PCDHA1: variants seen among roughly 807,000 people sequenced by gnomAD.
PCDHA1 encodes protocadherin alpha 1, also known as protocadherin alpha-1.
A neutral mutation model predicts 61.3 loss-of-function variants in PCDHA1; 42 were observed. The observed-to-expected ratio is 0.69, with a 90% CI of 0.54 to 0.89. The LOEUF is 0.89. Ranked by LOEUF, PCDHA1 falls within the 40% of genes least tolerant of loss-of-function variation. The probability of loss-of-function intolerance (pLI) is 0.00; values close to 1 mark genes in which losing one functional copy is unlikely to be tolerated. For missense variants in PCDHA1, 1,256 were observed against 1,235.3 expected, an observed-to-expected ratio of 1.02 and a Z score of -0.25; for synonymous variants, 610 against 553.8, an observed-to-expected ratio of 1.10 and a Z score of -1.43.
At chr5:140,921,998 A>G (rs1247902071) in intron 1 of PCDHA1, among the ~76,000 whole-genome samples, 3 of 152,206 alleles carry the variant, frequency 2.0e-5, no homozygotes, top group African/African-American at 7.2e-5. Flanking sequence ...AGTTCAATGA[A>G]ATGATTAGTT....
At chr5:140,846,476 A>G (rs2150391448) in intron 1 of PCDHA1, among the ~76,000 whole-genome samples, 10 of 143,712 alleles carry the variant, frequency 7.0e-5, no homozygotes, top group Admixed American at 2.1e-4. Context: ...CCGGGTTCAA[A>G]TGATTCTCCT....
intron 3 of PCDHA1, among the ~76,000 whole-genome samples, chr5:140,988,517 T>C (rs184897922): frequency 3.0e-3 from 461 of 152,278 alleles, no homozygotes; most frequent in Middle Eastern, 0.014. Context: ...CTTACTTAAG[T>C]CTCTGCTGGC....
Position 140,929,116 on chromosome 5 carries a change from A to G in PCDHA1, c.2395-49833A>G, listed in dbSNP as rs535394812. The G allele has an allele frequency of 2.9e-5, 47 of 1,614,170 alleles. No homozygotes were observed. The East Asian group carries it at 8.9e-4, about 31-fold the overall frequency. Reference sequence around the variant, plus strand: ...AAATCCTTGCATGACATCAGCCACCATAGATGTCACTACAGTTGAGAGACT... The same window carrying G: ...AAATCCTTGCATGACATCAGCCACCGTAGATGTCACTACAGTTGAGAGACT... On this transcript the variant is annotated intron_variant, in intron 1 of 3. Coordinates refer to ENST00000504120, the MANE Select transcript of PCDHA1 (RefSeq NM_018900.4).
At chr5:140,842,563 C>T in intron 1 of PCDHA1, 2 of 1,499,332 alleles carry the variant, frequency 1.3e-6, no homozygotes, top group South Asian at 1.2e-5. Flanking sequence ...GCGCCCTGGA[C>T]CGCGAGAGAG....
At chr5:140,858,280 G>A (rs782403060) in intron 1 of PCDHA1, 11 of 1,597,460 alleles carry the variant, frequency 6.9e-6, no homozygotes, top group Non-Finnish European at 5.1e-6. Flanking sequence ...GCGCGGTGGG[G>A]AGCTGGTCTT....
intron 1 of PCDHA1, chr5:140,803,339 A>G (rs1763174931): frequency 1.9e-6 from 3 of 1,614,026 alleles, no homozygotes; most frequent in Non-Finnish European, 2.5e-6. Flanking sequence ...TGGTGCTCAC[A>G]CTGCTGCTAT....
rs184537292 is a variant in PCDHA1, at chr5:140,970,210, C to T, written c.2395-8739C>T. Among the ~76,000 whole-genome samples, 8 of 152,308 alleles carry T rather than the reference C, an allele frequency of 5.3e-5. No homozygotes were observed. The East Asian group carries it at 1.5e-3, about 29-fold the overall frequency. On this transcript the variant is annotated intron_variant, in intron 1 of 3. Transcript: ENST00000504120. Reference sequence around the variant, plus strand: ...TGTAAGAGGATTTCCCTGAATTTAGCTTAAATGCAGCCTGTAATCTTCTGA... The same window carrying T: ...TGTAAGAGGATTTCCCTGAATTTAGTTTAAATGCAGCCTGTAATCTTCTGA...
intron 1 of PCDHA1, chr5:140,807,989 G>A: frequency 6.2e-7 from 1 of 1,613,702 alleles, no homozygotes; most frequent in Non-Finnish European, 8.5e-7. Context: ...TAACGCCTCA[G>A]ATTTAGACGA....
chr5:140,822,416 C>G (rs1767302575), intron 1 of PCDHA1: 1 of 1,614,024 alleles, frequency 6.2e-7, no homozygotes. Context: ...GTGATTGCAA[C>G]TGATGGAGGA....
intron 1 of PCDHA1, among the ~76,000 whole-genome samples, chr5:140,944,948 A>T (rs1425847139): frequency 6.6e-6 from 1 of 152,200 alleles, no homozygotes; most frequent in African/African-American, 2.4e-5. Context: ...ATGATTGTGA[A>T]TAAGAGTATT....
chr5:140,895,881 G>A (rs1004872677), intron 1 of PCDHA1, among the ~76,000 whole-genome samples: 22 of 152,176 alleles, frequency 1.4e-4, no homozygotes, highest in East Asian at 1.9e-4. Flanking sequence ...GCGCGATCTC[G>A]GCTCACTGCA....
At chr5:140,932,113 T>G (rs2088043197) in intron 1 of PCDHA1, among the ~76,000 whole-genome samples, 1 of 151,918 alleles carries the variant, frequency 6.6e-6, no homozygotes, top group South Asian at 2.1e-4. Flanking sequence ...TATTTCCAAT[T>G]GATAATATTT....
At chr5:140,828,600 A>G (rs1769845446) in intron 1 of PCDHA1, 3 of 1,614,242 alleles carry the variant, frequency 1.9e-6, no homozygotes, top group East Asian at 2.2e-5. Context: ...ATCTTAACCT[A>G]TAAACTCAGT....
intron 1 of PCDHA1, among the ~76,000 whole-genome samples, chr5:140,942,544 G>T (rs546340510): frequency 1.6e-4 from 24 of 152,000 alleles, no homozygotes; most frequent in Non-Finnish European, 2.9e-4. Context: ...TATGGTGGGG[G>T]GTAGGGGGTT....
intron 3 of PCDHA1, among the ~76,000 whole-genome samples, chr5:140,994,758 G>A (rs150618369): frequency 1.3e-5 from 2 of 152,248 alleles, no homozygotes; most frequent in East Asian, 3.9e-4. Flanking sequence ...GATGTGGAGA[G>A]GAAGAGAATT....
intron 1 of PCDHA1, chr5:140,830,025 A>G (rs1770760911): frequency 6.2e-7 from 1 of 1,613,706 alleles, no homozygotes. Flanking sequence ...TCTCCGCGCC[A>G]CCGGCTGCTG....
chr5:140,966,188 T>G (rs1454663585), intron 1 of PCDHA1: 7 of 200,348 alleles, frequency 3.5e-5, no homozygotes, highest in Non-Finnish European at 6.9e-5. Context: ...ATAGCCAGAC[T>G]TCTAGGGGCT....
chr5:140,796,507 G>C (rs782557093), intron 1 of PCDHA1: 4 of 1,612,268 alleles, frequency 2.5e-6, no homozygotes, highest in East Asian at 2.2e-5. Flanking sequence ...CGCGGAGAGC[G>C]GCAAGGTGTA....
Position 140,849,815 on chromosome 5 carries a change from G to A in PCDHA1, c.2394+61131G>A, listed in dbSNP as rs2150451415. On this transcript the variant is annotated intron_variant, in intron 1 of 3. Transcript: ENST00000504120. ...CGCCTTCACTGTGGGCCACGGCCAGGGTGTCTGTGGAGGTGGCCGACGTGA... is the reference window on the plus strand; with the variant it reads ...CGCCTTCACTGTGGGCCACGGCCAGAGTGTCTGTGGAGGTGGCCGACGTGA... 1.8e-4 allele frequency: 280 copies of A among 1,598,402 alleles called. 16 individuals carry two copies. In the South Asian group the frequency reaches 3.0e-3, roughly 17 times the overall value.
Sources: gnomAD v4.1 joint callset for allele counts (sites outside exome capture counted in the v4.1 genomes callset) on GRCh38, gnomAD v4.1.1 for gene constraint, MANE v1.5 for transcripts, NCBI Gene and HGNC (gene_info 2026-07-23, HGNC 2026-07-21) for gene names.